CLEC1B: variants seen among roughly 807,000 people sequenced by gnomAD.
CLEC1B encodes C-type lectin-like receptor 2.
Under a neutral mutation model 26.7 loss-of-function variants are expected in CLEC1B, and 26 were observed. That is an observed-to-expected ratio of 0.97 (90% CI 0.71 to 1.35). The LOEUF is 1.35. Among genes scored for constraint, CLEC1B ranks in the 40% most tolerant of loss-of-function variants. The probability of loss-of-function intolerance (pLI) is 0.00; values close to 1 mark genes in which losing one functional copy is unlikely to be tolerated. For synonymous variants in CLEC1B, 112 were observed against 96.0 expected (o/e 1.17, Z -0.97); for missense variants, 293 against 282.6 (o/e 1.04, Z -0.26).
At chr12:9,996,339 T>C (rs925548630) in intron 4 of CLEC1B, among the ~76,000 whole-genome samples, 5 of 152,230 alleles carry the variant, frequency 3.3e-5, no homozygotes, top group Non-Finnish European at 5.9e-5. Context: ...TAGTTATAAA[T>C]CTTCAACCTG....
chr12:9,999,771 T>G (rs151250537), upstream of CLEC1B, among the ~76,000 whole-genome samples: 189 of 152,308 alleles, frequency 1.2e-3, no homozygotes, highest in African/African-American at 4.1e-3. Flanking sequence ...AATACAGAGT[T>G]GGTGACTTGC....
intron 1 of CLEC1B, among the ~76,000 whole-genome samples, chr12:9,998,698 A>G (rs1380362977): frequency 6.6e-6 from 1 of 151,996 alleles, no homozygotes; most frequent in African/African-American, 2.4e-5. Context: ...CATGCCATAA[A>G]TAATTGCTTT....
chr12:9,994,831 G>C (rs534444227), intron 5 of CLEC1B, among the ~76,000 whole-genome samples: 98 of 138,198 alleles, frequency 7.1e-4, no homozygotes, highest in African/African-American at 2.1e-3. Flanking sequence ...ATGTGCATGC[G>C]CGCACACACA....
At chr12:9,995,319 G>T in intron 4 of CLEC1B, 73 bp from the exon 5 acceptor site, 1 of 1,296,752 alleles carries the variant, frequency 7.7e-7, no homozygotes, top group Non-Finnish European at 1.1e-6. Context: ...AAAGCTTCAT[G>T]ATAAGACGTT....
chr12:9,995,197 C>G lies in CLEC1B; in HGVS notation c.488G>C (p.Arg163Pro). 6.2e-7 allele frequency: 1 copy of G among 1,613,008 alleles called. No individual in the cohort carries two copies. Among genetic ancestry groups the G allele is most frequent in the Non-Finnish European group, 8.5e-7 (1 of 1,179,142 alleles). Residue 163 changes from arginine to proline, a missense_variant, in exon 5 of 6, where the codon CGC (arginine) becomes CCC (proline). Arg to Pro is a moderately radical substitution (Grantham distance 103, BLOSUM62 -2). Coordinates refer to ENST00000298527, the MANE Select transcript of CLEC1B (RefSeq NM_016509.4). ...CTTCCAGACCTCATTCGACTTCTGG[C>G]GAGATAATCCGACCCAACGAATTAA... is the stretch of plus-strand genomic sequence containing the variant. ...THLIRWVGLSRQKSNEVWKWE... is the reference protein window; with the variant it reads ...THLIRWVGLSPQKSNEVWKWE...
chr12:9,998,846 T>C (rs1026817510), intron 1 of CLEC1B, among the ~76,000 whole-genome samples, 191 bp downstream of exon 1: 2 of 152,184 alleles, frequency 1.3e-5, no homozygotes, highest in Non-Finnish European at 2.9e-5. Context: ...TCCCTGCACA[T>C]ATATTGGATG....
chr12:9,994,569 A>C (rs934007852), intron 5 of CLEC1B, among the ~76,000 whole-genome samples: 1 of 152,212 alleles, frequency 6.6e-6, no homozygotes, highest in Non-Finnish European at 1.5e-5. Flanking sequence ...ACTCCACTCA[A>C]TGCAATCAGT....
rs1865103256 is a variant in CLEC1B at position 9,998,380 on chromosome 12, A to G, written c.65T>C (p.Val22Ala). 6.2e-7 allele frequency: 1 copy of G among 1,609,860 alleles called. No homozygotes were observed. The highest frequency in any genetic ancestry group is 1.7e-5 in the Admixed American group (1 of 59,978). The change falls in exon 2 of 6, where the codon GTT (valine) becomes GCT (alanine). Residue 22 changes from valine to alanine, a missense_variant and splice_region_variant. Val to Ala is a moderately conservative substitution (Grantham distance 64). Coordinates refer to ENST00000298527, the MANE Select transcript of CLEC1B (RefSeq NM_016509.4). ...CCACCAGGAGGAGGATGCAGAGCCA[A>G]CTGTAGGCATATAATAAAGACATCA... ...IKTRKPALIS[V>A]GSASSSWWRV...
rs1288242929 is a variant in CLEC1B at position 9,997,214 on chromosome 12, C to G, written c.229G>C (p.Ala77Pro). 6.2e-7 allele frequency: 1 copy of G among 1,613,832 alleles called. No individual in the cohort carries two copies. The highest frequency in any genetic ancestry group is 8.5e-7 in the Non-Finnish European group (1 of 1,179,944). ...ACCACATATTGACAGAAGCGCTTTG[C>G]TAATTGTTGCAGAGTTCCTGTGCGA... is the stretch of plus-strand genomic sequence containing the variant. ...ENRTGTLQQL[A>P]KRFCQYVVKQ... Residue 77 changes from alanine to proline, a missense_variant, in exon 3 of 6, where the codon GCA becomes CCA. Coordinates refer to ENST00000298527, the MANE Select transcript of CLEC1B (RefSeq NM_016509.4).
At chr12:9,997,584 G>T (rs1285046019) in intron 2 of CLEC1B, among the ~76,000 whole-genome samples, 3 of 152,180 alleles carry the variant, frequency 2.0e-5, no homozygotes, top group Admixed American at 2.0e-4. Flanking sequence ...CTTCTCAGCT[G>T]AGTTATAGAG....
rs150507224 is a variant in CLEC1B, at chr12:9,998,321, C to T, written c.124G>A (p.Val42Met). Reference sequence around the variant, plus strand: ...GCCACCAGCCCGACAACCATCCCCACGCACAGGATCAGCAGAATCAAAGCC... The same window carrying T: ...GCCACCAGCCCGACAACCATCCCCATGCACAGGATCAGCAGAATCAAAGCC... The part of the protein sequence containing the change: ...VMALILLILC[V>M]GMVVGLVALG... The change falls in exon 2 of 6, where the codon GTG becomes ATG. Residue 42 changes from valine to methionine, a missense_variant. Physicochemically the swap from Val to Met is conservative, Grantham distance 21. Transcript: ENST00000298527. The T allele has an allele frequency of 8.0e-4, 1,289 of 1,613,514 alleles. 4 individuals are homozygous for T. Among genetic ancestry groups the T allele is most frequent in the Middle Eastern group, 5.1e-3 (31 of 6,060 alleles).
intron 3 of CLEC1B, 42 bp from the exon 4 acceptor site, chr12:9,997,042 T>G (rs1865068397): frequency 2.5e-6 from 4 of 1,611,162 alleles, no homozygotes; most frequent in Non-Finnish European, 2.5e-6. Context: ...TTTTCTAAAT[T>G]GGGCTTACAT....
In CLEC1B at chr12:9,996,983, G is replaced by T. The variant is rs745307443; in HGVS notation, c.301C>A (p.Pro101Thr). The T allele has an allele frequency of 6.2e-7, 1 of 1,613,932 alleles. No individual in the cohort carries two copies. ...KGTFKGHKCS[P>T]CDTNWRYYGD... ...TAATATCTCCAGTTTGTGTCACAGG[G>T]GCTGCATTTATGACCTTCTGGAGAA... The change falls in exon 4 of 6, where the codon CCC becomes ACC. Residue 101 changes from proline (P) to threonine (T), a missense_variant. By Grantham distance (38) the Pro-to-Thr change is conservative (BLOSUM62 -1). Coordinates refer to ENST00000298527, the MANE Select transcript of CLEC1B (RefSeq NM_016509.4).
In CLEC1B at chr12:9,993,101, C is replaced by T; in HGVS notation, c.*42G>A. 3 of 1,563,384 alleles carry T rather than the reference C, an allele frequency of 1.9e-6. No homozygotes were observed. Among genetic ancestry groups the T allele is most frequent in the Non-Finnish European group, 2.6e-6 (3 of 1,146,236 alleles). ...GCATTCATACATATCTTTTATTGTA[C>T]AATAAAGCCCTTATCTGTGTTATCC... is the stretch of plus-strand genomic sequence containing the variant. On this transcript the variant is annotated 3_prime_UTR_variant, in exon 6 of 6. Transcript: ENST00000298527.
At chr12:9,995,272 T>C (rs1208226218) in intron 4 of CLEC1B, 26 bp from the exon 5 acceptor site, 1 of 1,570,184 alleles carries the variant, frequency 6.4e-7, no homozygotes, top group African/African-American at 1.4e-5. Context: ...ATAAACACAA[T>C]GGTCAGAATC....
At chr12:10,000,286 G>A (rs1435358542), upstream of CLEC1B, among the ~76,000 whole-genome samples, 5 of 152,136 alleles carry the variant, frequency 3.3e-5, no homozygotes, top group South Asian at 2.1e-4. Flanking sequence ...GGCATAGCCC[G>A]TAGATTTTTT....
At chr12:9,997,380 T>C in intron 2 of CLEC1B, 101 bp from the exon 3 acceptor site, 1 of 1,075,526 alleles carries the variant, frequency 9.3e-7, no homozygotes, top group Non-Finnish European at 1.3e-6. Context: ...TGCCAATATA[T>C]GAGGAGTTTA....
intron 2 of CLEC1B, among the ~76,000 whole-genome samples, chr12:9,997,886 G>A (rs935903343): frequency 6.6e-6 from 1 of 152,098 alleles, no homozygotes; most frequent in African/African-American, 2.4e-5. Flanking sequence ...ATTTTAGGTA[G>A]AGAGAATAGA....
At chr12:10,001,557 G>T (rs942779280), upstream of CLEC1B, among the ~76,000 whole-genome samples, 2 of 152,212 alleles carry the variant, frequency 1.3e-5, no homozygotes, top group Non-Finnish European at 2.9e-5. Flanking sequence ...GAAGCAAGCT[G>T]AGCGAAGACA....
Sources: gnomAD v4.1 joint callset for allele counts (sites outside exome capture counted in the v4.1 genomes callset) on GRCh38, gnomAD v4.1.1 for gene constraint, MANE v1.5 for transcripts, NCBI Gene and HGNC (gene_info 2026-07-23, HGNC 2026-07-21) for gene names.